Variants in CDYL observed in about 807,000 individuals in gnomAD.
The protein encoded by CDYL is chromodomain Y like.
CDYL carries 8 observed loss-of-function variants against 47.3 expected under a neutral mutation model. The observed-to-expected ratio is 0.17, with a 90% confidence interval of 0.10 to 0.31. CDYL has a LOEUF of 0.31. CDYL is among the 10% of genes least tolerant of loss of function. The pLI, the probability that CDYL is intolerant of heterozygous loss-of-function variation, is 1.00. For synonymous variants in CDYL, 266 were observed against 265.0 expected (o/e 1.00, Z -0.04); for missense variants, 471 against 701.4 (o/e 0.67, Z 3.71).
At chr6:4,716,246 CAA>C (rs35962503) in intron 2 of CDYL, among the ~76,000 whole-genome samples, 50 of 121,098 alleles carry the variant, frequency 4.1e-4, no homozygotes, top group Admixed American at 8.3e-4. Context: ...GACTCCATCT[CAA>C]AAAAAAAAAA....
At chr6:4,837,481 T>A (rs12195629) in intron 1 of CDYL, among the ~76,000 whole-genome samples, 27 of 150,868 alleles carry the variant, frequency 1.8e-4, no homozygotes, top group African/African-American at 5.8e-4. Context: ...TTTTTTTTTT[T>A]GGAGACAGAG....
At chr6:4,953,874 C>T (rs1246692001) in intron 6 of CDYL, 24 bp from the exon 7 acceptor site, 3 of 1,607,540 alleles carry the variant, frequency 1.9e-6, no homozygotes, top group South Asian at 2.2e-5. Context: ...ACCCTGCTAA[C>T]TGGCTGCTTG....
At chr6:4,792,040 G>A (rs1167451591) in intron 1 of CDYL, among the ~76,000 whole-genome samples, 2 of 149,292 alleles carry the variant, frequency 1.3e-5, no homozygotes, top group South Asian at 4.2e-4. Flanking sequence ...CTACCACCAC[G>A]CCCGGCTAAT....
At chr6:4,752,064 TC>T (rs1478132608) in intron 3 of CDYL, among the ~76,000 whole-genome samples, 3 of 152,056 alleles carry the variant, frequency 2.0e-5, no homozygotes, top group African/African-American at 7.2e-5. Context: ...AATGAATCAA[TC>T]CCCTGTACAA....
At chr6:4,774,673 T>TGC (rs1445833659), upstream of CDYL, 1 of 152,356 alleles carries the variant, frequency 6.6e-6, no homozygotes. Flanking sequence ...TAGAGAATGG[T>TGC]GCTAGGGGCC....
intron 1 of CDYL, among the ~76,000 whole-genome samples, chr6:4,854,845 A>T (rs1026151306): frequency 2.6e-5 from 4 of 152,170 alleles, no homozygotes; most frequent in Non-Finnish European, 5.9e-5. Flanking sequence ...TCTTTTGGCC[A>T]CTTGCCTTAG....
At chr6:4,880,871 G>A (rs1332403553) in intron 1 of CDYL, among the ~76,000 whole-genome samples, 5 of 152,174 alleles carry the variant, frequency 3.3e-5, no homozygotes, top group African/African-American at 1.2e-4. Context: ...AGTTTCACTT[G>A]TTAAGTTTTA....
intron 2 of CDYL, among the ~76,000 whole-genome samples, chr6:4,894,389 C>A (rs1762136398): frequency 6.6e-6 from 1 of 152,132 alleles, no homozygotes; most frequent in African/African-American, 2.4e-5. Flanking sequence ...GTGGGCTTGG[C>A]CCTGCCCTGC....
At chr6:4,899,001 A>C (rs1260879932) in intron 2 of CDYL, among the ~76,000 whole-genome samples, 1 of 152,208 alleles carries the variant, frequency 6.6e-6, no homozygotes, top group African/African-American at 2.4e-5. Flanking sequence ...GGATTTCTTC[A>C]AAGTAGAGCA....
intron 3 of CDYL, among the ~76,000 whole-genome samples, chr6:4,737,467 A>G (rs1757723534): frequency 6.6e-6 from 1 of 152,044 alleles, no homozygotes; most frequent in African/African-American, 2.4e-5. Flanking sequence ...AGCCTGGCCA[A>G]CATGGTGAAA....
At chr6:4,716,064 C>T (rs1444541433) in intron 2 of CDYL, among the ~76,000 whole-genome samples, 6 of 151,218 alleles carry the variant, frequency 4.0e-5, no homozygotes, top group East Asian at 1.9e-4. Context: ...CTGGTTAACA[C>T]GGTGAAACCC....
chr6:4,867,903 T>C (rs1447817625), intron 1 of CDYL, among the ~76,000 whole-genome samples: 1 of 151,982 alleles, frequency 6.6e-6, no homozygotes, highest in Non-Finnish European at 1.5e-5. Context: ...CATAGAGTTA[T>C]TCAGAGTATA....
chr6:4,855,127 T>C (rs1467792306), intron 1 of CDYL, among the ~76,000 whole-genome samples: 1 of 152,200 alleles, frequency 6.6e-6, no homozygotes, highest in East Asian at 1.9e-4. Context: ...ATTGACTATA[T>C]AGATAGATTG....
chr6:4,790,954 TCAG>T (rs1758900027), intron 1 of CDYL, among the ~76,000 whole-genome samples: 1 of 152,190 alleles, frequency 6.6e-6, no homozygotes, highest in South Asian at 2.1e-4. Context: ...CCAACAAACA[TCAG>T]CAAGTGCTCA....
At chr6:4,938,019 G>C (rs555298333) in intron 4 of CDYL, among the ~76,000 whole-genome samples, 1 of 152,184 alleles carries the variant, frequency 6.6e-6, no homozygotes, top group Non-Finnish European at 1.5e-5. Flanking sequence ...GCAAGTGTTC[G>C]GAGAATGTTC....
chr6:4,775,791 G>C (rs1758422626), upstream of CDYL, among the ~76,000 whole-genome samples: 1 of 149,772 alleles, frequency 6.7e-6, no homozygotes, highest in African/African-American at 2.4e-5. The surrounding 1 kb of genome is among the most constrained non-coding windows in gnomAD (Gnocchi z 7.0). Flanking sequence ...GGTGGGGTGG[G>C]TGCTCCACCT....
intron 3 of CDYL, among the ~76,000 whole-genome samples, chr6:4,752,847 T>TGC (rs1190256974): frequency 1.3e-5 from 2 of 150,782 alleles, no homozygotes. Flanking sequence ...TGTGTGTGTG[T>TGC]GTGTGTGTGT....
intron 2 of CDYL, among the ~76,000 whole-genome samples, chr6:4,901,468 G>C (rs1053957756): frequency 2.0e-5 from 3 of 152,070 alleles, no homozygotes; most frequent in African/African-American, 4.8e-5. Flanking sequence ...AGCCTCTTCC[G>C]AGCATGCTAT....
chr6:4,801,830 T>A (rs997746559), intron 1 of CDYL, among the ~76,000 whole-genome samples: 2 of 152,192 alleles, frequency 1.3e-5, no homozygotes, highest in African/African-American at 4.8e-5. Flanking sequence ...TATTCACAGA[T>A]TTGGCTCCAT....
Sources: gnomAD v4.1 joint callset for allele counts (sites outside exome capture counted in the v4.1 genomes callset) on GRCh38, gnomAD v4.1.1 for gene constraint, Gnocchi (gnomAD v3.1) non-coding constraint, MANE v1.5 for transcripts, NCBI Gene and HGNC (gene_info 2026-07-23, HGNC 2026-07-21) for gene names.